P2RX5: variants seen among roughly 807,000 people sequenced by gnomAD.
P2RX5 encodes purinergic receptor P2X 5, also known as P2X purinoceptor 5.
P2RX5 carries 46 observed loss-of-function variants against 54.1 expected under a neutral mutation model. The observed-to-expected ratio is 0.85, with a 90% CI of 0.67 to 1.09. The LOEUF is 1.09. Among genes scored for constraint, P2RX5 ranks in the 50% least tolerant of loss-of-function variants. The pLI is 0.00. For missense variants in P2RX5, 566 were observed against 549.8 expected, an observed-to-expected ratio of 1.03 and a Z score of -0.29; for synonymous variants, 226 against 226.4, an observed-to-expected ratio of 1.00 and a Z score of 0.02.
At chr17:3,684,748 G>T (rs1297736402) in intron 9 of P2RX5, among the ~76,000 whole-genome samples, 3 of 152,000 alleles carry the variant, frequency 2.0e-5, no homozygotes, top group Non-Finnish European at 4.4e-5. Context: ...GTCCAAGGAT[G>T]TGTGTAAGAC....
At position 3,690,248 on chromosome 17, in the gene P2RX5, G is replaced by A. The variant is rs928949125; in HGVS notation, c.534-98C>T. On this transcript the variant is annotated intron_variant, in intron 5 of 11. Coordinates refer to ENST00000225328, the MANE Select transcript of P2RX5 (RefSeq NM_002561.4). ...TGAGGCCTGTTCCTTGGGTCCCCTG[G>A]AGCCTCTGCCCAGGACAGTTAATTT... The A allele has an allele frequency of 3.0e-5, 39 of 1,285,576 alleles. 1 individual carries two copies. In the Admixed American group the frequency reaches 3.7e-4, roughly 12 times the overall value. The allele number at this position is 1,285,576 out of a possible 1,614,324, so 79.6% of individuals were successfully genotyped here. A position where few individuals can be genotyped will look rare whatever the true frequency, so the allele number is the denominator to read the frequency against.
the P2RX5 span, among the ~76,000 whole-genome samples, chr17:3,701,773 T>A: frequency 1.5e-5 from 2 of 129,534 alleles, no homozygotes; most frequent in South Asian, 2.7e-4. Flanking sequence ...TTTTTTTTTT[T>A]AAGACAGAGT....
intron 9 of P2RX5, among the ~76,000 whole-genome samples, chr17:3,684,111 A>C (rs1460576025): frequency 6.6e-6 from 1 of 152,222 alleles, no homozygotes; most frequent in Non-Finnish European, 1.5e-5. Flanking sequence ...CCCTGCCCTC[A>C]GTCCCTGTGT....
chr17:3,720,584 CTTT>C, the P2RX5 span: 2,918 of 318,296 alleles, frequency 9.2e-3, no homozygotes, highest in South Asian at 0.021. Context: ...CTTCAACTTC[CTTT>C]TTTTTTTTTT....
At chr17:3,690,912 G>A (rs1375978163) in intron 3 of P2RX5, 44 bp downstream of exon 3, 1 of 1,547,804 alleles carries the variant, frequency 6.5e-7, no homozygotes, top group Non-Finnish European at 8.9e-7. Flanking sequence ...ACCACTGCCG[G>A]TGGCTCTCCC....
At chr17:3,701,746 GT>G in the P2RX5 span, among the ~76,000 whole-genome samples, 10,529 of 106,296 alleles carry the variant, frequency 0.099, 340 homozygotes, top group Middle Eastern at 0.14. Flanking sequence ...CATTTTCTCT[GT>G]TTTTTTTTTT....
At chr17:3,715,340 A>T in the P2RX5 span, among the ~76,000 whole-genome samples, 1 of 152,300 alleles carries the variant, frequency 6.6e-6, no homozygotes, top group South Asian at 2.1e-4. Flanking sequence ...TAGGAAAAAG[A>T]GATAATTACA....
At chr17:3,706,015 C>A in the P2RX5 span, among the ~76,000 whole-genome samples, 14 of 151,844 alleles carry the variant, frequency 9.2e-5, no homozygotes, top group Non-Finnish European at 1.9e-4. Context: ...AGTGCAGTGG[C>A]ACAATCTCAG....
In P2RX5 at chr17:3,689,968, A is replaced by G. The variant is rs369294553; in HGVS notation, c.614+102T>C. 93 of 1,000,820 alleles carry G rather than the reference A, an allele frequency of 9.3e-5. No homozygotes were observed. The East Asian group carries it at 1.8e-3, about 19-fold the overall frequency. 62.0% of individuals were successfully genotyped at this position (1,000,820 alleles called of 1,614,324 possible). ...CGAACACACGCACACACGTGCACAC[A>G]CGCGCGCACACACACCCCCAGGCAG... On this transcript the variant is annotated intron_variant, in intron 6 of 11. Transcript: ENST00000225328.
rs532343305 is a variant in P2RX5 at position 3,677,554 on chromosome 17, G to A, written c.1259+2036C>T. ...GGTGTTGTCCAAGAGCTTTCTCTGA[G>A]CAACCATCATTCTCGGCAGGGATTT... On this transcript the variant is annotated intron_variant, in intron 11 of 11. Coordinates refer to ENST00000225328, the MANE Select transcript of P2RX5 (RefSeq NM_002561.4). The A allele has an allele frequency of 2.6e-5, 26 of 985,450 alleles. No individual in the cohort carries two copies. In the South Asian group the frequency reaches 8.0e-4, roughly 30 times the overall value. 61.0% of individuals were successfully genotyped at this position (985,450 alleles called of 1,614,324 possible). A position where few individuals can be genotyped will look rare whatever the true frequency, so the allele number is the denominator to read the frequency against.
chr17:3,704,386 T>G, the P2RX5 span, among the ~76,000 whole-genome samples: 1 of 151,824 alleles, frequency 6.6e-6, no homozygotes, highest in Non-Finnish European at 1.5e-5. Context: ...ACGGGAAGAG[T>G]TTCACCAAGA....
the P2RX5 span, among the ~76,000 whole-genome samples, chr17:3,712,813 G>A: frequency 6.6e-6 from 1 of 151,944 alleles, no homozygotes; most frequent in East Asian, 1.9e-4. Context: ...CATGGTGGTG[G>A]GTCCCTGTAG....
chr17:3,693,534 G>C (rs192883587), intron 1 of P2RX5, among the ~76,000 whole-genome samples: 1 of 152,080 alleles, frequency 6.6e-6, no homozygotes, highest in Admixed American at 6.6e-5. Flanking sequence ...TCAGGAGTTC[G>C]AGGCCAGCCT....
At chr17:3,695,759 CG>C in intron 1 of P2RX5, 109 bp downstream of exon 1, 1 of 1,389,688 alleles carries the variant, frequency 7.2e-7, no homozygotes. Flanking sequence ...CCCCAGCTAC[CG>C]GGAAAACCGC....
At position 3,679,686 on chromosome 17, in the gene P2RX5, TC is replaced by T; in HGVS notation, c.1162del (p.Glu388SerfsTer89). 1.9e-6 allele frequency: 3 copies of T among 1,611,934 alleles called. No individual in the cohort carries two copies. Among genetic ancestry groups the T allele is most frequent in the African/African-American group, 1.3e-5 (1 of 74,992 alleles). ...GGGTGGCTCCTGCAGCTCCTGCTGC[TC>T]CGGCATCCCCAGCAGCCCTGGCCCA... ...TSGPGLLGMP[E>X]QQELQEPPEA... On this transcript the variant is annotated frameshift_variant, in exon 11 of 12. Coordinates refer to ENST00000225328, the MANE Select transcript of P2RX5 (RefSeq NM_002561.4). LOFTEE classifies it high-confidence loss of function.
the P2RX5 span, chr17:3,716,847 GA>G: frequency 2.0e-6 from 2 of 1,011,526 alleles, no homozygotes; most frequent in East Asian, 2.4e-5. Context: ...AGCAAACAAG[GA>G]AAAAATCCTA....
At chr17:3,700,645 C>T (rs1021889733), upstream of P2RX5, among the ~76,000 whole-genome samples, 2 of 152,166 alleles carry the variant, frequency 1.3e-5, no homozygotes, top group Non-Finnish European at 2.9e-5. Context: ...ATGTGTGTTC[C>T]TCCAAATCGC....
At chr17:3,690,809 C>T (rs1266428599) in intron 3 of P2RX5, 129 bp from the exon 4 acceptor site, 3 of 1,146,052 alleles carry the variant, frequency 2.6e-6, no homozygotes, top group Non-Finnish European at 3.9e-6. Context: ...TACTTCTCCC[C>T]CATATAATGC....
chr17:3,718,897 G>A, the P2RX5 span, among the ~76,000 whole-genome samples: 1 of 151,968 alleles, frequency 6.6e-6, no homozygotes, highest in African/African-American at 2.4e-5. Flanking sequence ...TATTTCTTCC[G>A]TTTTCTGTAT....
Sources: gnomAD v4.1 joint callset for allele counts (sites outside exome capture counted in the v4.1 genomes callset) on GRCh38, gnomAD v4.1.1 for gene constraint, MANE v1.5 for transcripts, NCBI Gene and HGNC (gene_info 2026-07-23, HGNC 2026-07-21) for gene names.